Variants in RAB38 observed in about 807,000 individuals in gnomAD.
RAB38 encodes the protein RAB38, member RAS oncogene family, also known as ras-related protein Rab-38.
A neutral mutation model predicts 18.4 loss-of-function variants in RAB38; 15 were observed. The observed-to-expected ratio is 0.82, with a 90% confidence interval of 0.55 to 1.26. RAB38 has a LOEUF of 1.26. Ranked by LOEUF, RAB38 falls within the 50% of genes most tolerant of loss-of-function variation. The pLI is 0.00. For synonymous variants in RAB38, 101 were observed against 104.4 expected (o/e 0.97, Z 0.20); for missense variants, 294 against 267.4 (o/e 1.10, Z -0.69).
chr11:88,077,292 C>A, the RAB38 span, among the ~76,000 whole-genome samples: 1 of 151,746 alleles, frequency 6.6e-6, no homozygotes, highest in Non-Finnish European at 1.5e-5. Context: ...AACAAACATA[C>A]TAAAAATCCT....
chr11:88,042,263 C>A, the RAB38 span, among the ~76,000 whole-genome samples: 1 of 152,154 alleles, frequency 6.6e-6, no homozygotes, highest in Non-Finnish European at 1.5e-5. Flanking sequence ...GAGATAGCCC[C>A]CACCTCTCAT....
the RAB38 span, among the ~76,000 whole-genome samples, chr11:88,079,753 T>G: frequency 1.3e-5 from 2 of 151,460 alleles, no homozygotes; most frequent in African/African-American, 4.8e-5. Flanking sequence ...TGCAAATCAA[T>G]CTAAGTAATT....
chr11:88,161,276 C>A (rs1943186920), intron 1 of RAB38, among the ~76,000 whole-genome samples: 1 of 152,016 alleles, frequency 6.6e-6, no homozygotes, highest in Non-Finnish European at 1.5e-5. Flanking sequence ...CTTTTTAAAT[C>A]TTTGTGCCCA....
the RAB38 span, among the ~76,000 whole-genome samples, chr11:87,952,496 C>T: frequency 6.6e-6 from 1 of 152,152 alleles, no homozygotes; most frequent in Admixed American, 6.5e-5. Flanking sequence ...CTTCCTATTG[C>T]TCCACCTTTT....
the RAB38 span, among the ~76,000 whole-genome samples, chr11:87,898,387 C>T: frequency 6.6e-6 from 1 of 151,714 alleles, no homozygotes; most frequent in African/African-American, 2.4e-5. Context: ...CTCAGAGCCA[C>T]TTTCCATGAA....
the RAB38 span, among the ~76,000 whole-genome samples, chr11:87,860,866 A>T: frequency 6.6e-6 from 1 of 151,896 alleles, no homozygotes; most frequent in Admixed American, 6.6e-5. Context: ...TGTATGTTAT[A>T]ATTTAAAGTA....
At chr11:87,920,185 T>G in the RAB38 span, among the ~76,000 whole-genome samples, 2 of 151,882 alleles carry the variant, frequency 1.3e-5, no homozygotes, top group African/African-American at 4.8e-5. Flanking sequence ...TTCTGCTAAT[T>G]TTCAGCTCAG....
chr11:87,969,964 G>T, the RAB38 span, among the ~76,000 whole-genome samples: 15,465 of 152,094 alleles, frequency 0.1, 957 homozygotes, highest in South Asian at 0.18. Flanking sequence ...ATAGAAACCT[G>T]TATAACCAAG....
the RAB38 span, among the ~76,000 whole-genome samples, chr11:87,856,290 C>T: frequency 6.6e-6 from 1 of 152,076 alleles, no homozygotes; most frequent in Non-Finnish European, 1.5e-5. Flanking sequence ...TTCTCATATA[C>T]TCTCTTCATA....
the RAB38 span, among the ~76,000 whole-genome samples, chr11:88,012,381 G>A: frequency 6.6e-6 from 1 of 152,132 alleles, no homozygotes; most frequent in South Asian, 2.1e-4. Context: ...GGAAGACACT[G>A]GGACCAGGAT....
chr11:87,845,610 T>C, the RAB38 span, among the ~76,000 whole-genome samples: 1 of 151,922 alleles, frequency 6.6e-6, no homozygotes, highest in African/African-American at 2.4e-5. Context: ...GTGGGAGAGA[T>C]TGCTGTAGGA....
chr11:87,918,741 G>GTTGT, the RAB38 span, among the ~76,000 whole-genome samples: 14,388 of 151,726 alleles, frequency 0.095, 1,568 homozygotes, highest in African/African-American at 0.27. Context: ...CTTTTTATGA[G>GTTGT]TTAAGTTTCA....
At chr11:88,028,357 A>C in the RAB38 span, among the ~76,000 whole-genome samples, 117,161 of 152,148 alleles carry the variant, frequency 0.77, 45,624 homozygotes, top group African/African-American at 0.88. Flanking sequence ...TCCTCACCAG[A>C]AACGGAACAA....
At chr11:88,114,232 T>A in intron 2 of RAB38, 92 bp from the exon 3 acceptor site, 2 of 1,375,196 alleles carry the variant, frequency 1.5e-6, no homozygotes, top group South Asian at 2.5e-5. Flanking sequence ...ATTTAAATAT[T>A]CCTTCCTATA....
chr11:88,079,574 T>A, the RAB38 span, among the ~76,000 whole-genome samples: 1 of 151,824 alleles, frequency 6.6e-6, no homozygotes, highest in African/African-American at 2.4e-5. Context: ...ATCATTTCCC[T>A]GATATCAAAA....
chr11:88,007,578 A>G, the RAB38 span, among the ~76,000 whole-genome samples: 4 of 152,068 alleles, frequency 2.6e-5, no homozygotes, highest in Non-Finnish European at 5.9e-5. Flanking sequence ...AATGCTAAAA[A>G]TAAAAATAAC....
At chr11:87,949,587 G>C in the RAB38 span, among the ~76,000 whole-genome samples, 1 of 152,096 alleles carries the variant, frequency 6.6e-6, no homozygotes, top group African/African-American at 2.4e-5. Flanking sequence ...GTGGTATGTT[G>C]TATCTTTGTT....
chr11:88,023,055 G>A, the RAB38 span, among the ~76,000 whole-genome samples: 1 of 151,940 alleles, frequency 6.6e-6, no homozygotes, highest in Non-Finnish European at 1.5e-5. Context: ...TGGGTGTTAG[G>A]CTTAATAACT....
the RAB38 span, among the ~76,000 whole-genome samples, chr11:87,829,621 A>G: frequency 2.0e-5 from 3 of 152,168 alleles, no homozygotes; most frequent in African/African-American, 7.2e-5. Context: ...AATCACCTCA[A>G]CACCTAGGGA....
Sources: allele counts gnomAD v4.1 joint callset (sites outside exome capture counted in the v4.1 genomes callset), GRCh38; gene constraint gnomAD v4.1.1; transcripts MANE v1.5; gene names NCBI Gene and HGNC (gene_info 2026-07-23, HGNC 2026-07-21).